The following CCDC73 variants were observed in gnomAD, a reference collection of about 807,000 sequenced individuals.
The protein encoded by CCDC73 is coiled-coil domain containing 73.
CCDC73 carries 95 observed loss-of-function variants against 116.5 expected under a neutral mutation model. The observed-to-expected ratio is 0.82, with a 90% confidence interval of 0.69 to 0.97. CCDC73 has a LOEUF of 0.97. Among genes scored for constraint, CCDC73 ranks in the 50% least tolerant of loss-of-function variants. CCDC73 has a pLI of 0.00. For missense variants in CCDC73, 1,066 were observed against 1,206.8 expected (o/e 0.88, Z 1.73); for synonymous variants, 398 against 401.3 (o/e 0.99, Z 0.10).
chr11:32,614,489 G>A lies in CCDC73; in HGVS notation c.1829C>T (p.Thr610Ile). 3 of 1,613,276 alleles carry A rather than the reference G, an allele frequency of 1.9e-6. No individual in the cohort carries two copies. The highest frequency in any genetic ancestry group is 1.1e-5 in the South Asian group (1 of 91,050). Residue 610 changes from threonine (T) to isoleucine (I), a missense_variant, in exon 16 of 18, where the codon ACT becomes ATT. Physicochemically the swap from Thr to Ile is moderately conservative, Grantham distance 89 (BLOSUM62 -1). Coordinates refer to ENST00000335185, the MANE Select transcript of CCDC73 (RefSeq NM_001008391.4). ...PFKQFRLLPG[T>I]REHALEKEIT... is the part of the protein sequence containing the mutation. ...TTCCTTCTCTAGAGCATGTTCTCGA[G>A]TCCCTGGAAGCAATCTGAATTGTTT...
At chr11:32,764,437 T>C (rs1433581225) in intron 1 of CCDC73, among the ~76,000 whole-genome samples, 1 of 152,138 alleles carries the variant, frequency 6.6e-6, no homozygotes, top group Admixed American at 6.5e-5. Context: ...CCACAAGCCA[T>C]AAGAGACTGT....
At chr11:32,651,034 C>T (rs1181189675) in intron 12 of CCDC73, among the ~76,000 whole-genome samples, 10 of 152,172 alleles carry the variant, frequency 6.6e-5, no homozygotes. Flanking sequence ...AACACAGACC[C>T]TCATAAGGTG....
chr11:32,661,939 G>GT (rs1235555274), intron 9 of CCDC73, among the ~76,000 whole-genome samples: 3 of 151,190 alleles, frequency 2.0e-5, no homozygotes, highest in South Asian at 2.1e-4. Context: ...GCAGTGTTTG[G>GT]TTTTTTGTCC....
intron 17 of CCDC73, among the ~76,000 whole-genome samples, chr11:32,609,809 T>C (rs928761757): frequency 6.6e-6 from 1 of 152,150 alleles, no homozygotes. Flanking sequence ...AGATGGAGTC[T>C]CGCTCTGTCA....
intron 17 of CCDC73, chr11:32,603,602 A>C (rs1855305767): frequency 6.6e-6 from 1 of 152,156 alleles, no homozygotes; most frequent in African/African-American, 2.4e-5. Flanking sequence ...GCAGTTTCTT[A>C]GGTCATTAAA....
At chr11:32,764,417 A>C (rs1331205936) in intron 1 of CCDC73, among the ~76,000 whole-genome samples, 1 of 152,254 alleles carries the variant, frequency 6.6e-6, no homozygotes, top group Admixed American at 6.5e-5. Flanking sequence ...CAGATCTCTC[A>C]GCAGAAACTC....
At chr11:32,786,947 C>G (rs769733434) in intron 1 of CCDC73, among the ~76,000 whole-genome samples, 3 of 152,112 alleles carry the variant, frequency 2.0e-5, no homozygotes, top group Non-Finnish European at 4.4e-5. Flanking sequence ...AAAGCTTTCT[C>G]CATTTAACCC....
intron 12 of CCDC73, among the ~76,000 whole-genome samples, chr11:32,646,320 T>A (rs1341570744): frequency 1.3e-5 from 2 of 152,212 alleles, no homozygotes; most frequent in East Asian, 3.9e-4. Context: ...GTCTCCTGTT[T>A]CCCAGATCCC....
chr11:32,803,718 T>A, the CCDC73 span, among the ~76,000 whole-genome samples: 1 of 152,238 alleles, frequency 6.6e-6, no homozygotes, highest in Non-Finnish European at 1.5e-5. Flanking sequence ...AGACTGCTAA[T>A]CATGTCTGGA....
intron 9 of CCDC73, among the ~76,000 whole-genome samples, chr11:32,666,929 G>C (rs939026979): frequency 6.6e-6 from 1 of 152,176 alleles, no homozygotes; most frequent in Non-Finnish European, 1.5e-5. Context: ...GTCCACTCCA[G>C]ACCCTGTTTG....
At chr11:32,690,644 T>C (rs1012454798) in intron 6 of CCDC73, among the ~76,000 whole-genome samples, 14 of 152,116 alleles carry the variant, frequency 9.2e-5, no homozygotes, top group Non-Finnish European at 1.8e-4. Context: ...GCAGTCTCTG[T>C]CTCCTGCTCT....
intron 9 of CCDC73, among the ~76,000 whole-genome samples, chr11:32,655,852 G>A (rs964745713): frequency 6.6e-6 from 1 of 152,172 alleles, no homozygotes; most frequent in Non-Finnish European, 1.5e-5. Context: ...GAAGTCACAT[G>A]TTCATTGAGT....
intron 17 of CCDC73, among the ~76,000 whole-genome samples, chr11:32,608,931 G>C (rs11031896): frequency 0.16 from 24,103 of 152,050 alleles, 2,044 homozygotes; most frequent in South Asian, 0.27. Flanking sequence ...AATCATGGCT[G>C]GAGTGGCTGG....
At chr11:32,704,426 C>G (rs750007322) in intron 3 of CCDC73, among the ~76,000 whole-genome samples, 1 of 152,244 alleles carries the variant, frequency 6.6e-6, no homozygotes, top group Admixed American at 6.5e-5. Context: ...ACATGCCAGA[C>G]CCTGGCTGCC....
intron 4 of CCDC73, among the ~76,000 whole-genome samples, chr11:32,702,424 T>TA (rs1397497451): frequency 2.0e-5 from 3 of 152,176 alleles, no homozygotes; most frequent in African/African-American, 7.2e-5. Flanking sequence ...TTATGGAGGC[T>TA]ACAGTGCATA....
At chr11:32,641,902 C>A in intron 13 of CCDC73, 70 bp downstream of exon 13, 2 of 1,126,148 alleles carry the variant, frequency 1.8e-6, no homozygotes, top group South Asian at 3.5e-5. Context: ...ATTTTCTTAG[C>A]ATTTATAGTT....
At chr11:32,776,317 T>C (rs1371403075) in intron 1 of CCDC73, among the ~76,000 whole-genome samples, 4 of 152,198 alleles carry the variant, frequency 2.6e-5, no homozygotes, top group Non-Finnish European at 1.5e-5. Flanking sequence ...CAGAATTATT[T>C]TGCAAAACAT....
At chr11:32,761,309 T>A (rs7942369) in intron 1 of CCDC73, among the ~76,000 whole-genome samples, 1 of 151,970 alleles carries the variant, frequency 6.6e-6, no homozygotes, top group African/African-American at 2.4e-5. Flanking sequence ...ATGGTATGAA[T>A]GTATTATTTA....
Position 32,675,930 on chromosome 11 carries a change from T to A in CCDC73, c.521A>T (p.Gln174Leu). The change falls in exon 8 of 18, where the codon CAA becomes CTA. Residue 174 changes from glutamine to leucine, a missense_variant. By Grantham distance (113) the Gln-to-Leu change is moderately radical. Coordinates refer to ENST00000335185, the MANE Select transcript of CCDC73 (RefSeq NM_001008391.4). ...IEKYYATITG[Q>L]FGLVKENHEK... is the part of the protein sequence containing the mutation. Reference sequence around the variant, plus strand: ...ATGATTCTCTTTTACCAATCCAAATTGACCTGTTATTGTGGCATAATATTT... The same window carrying A: ...ATGATTCTCTTTTACCAATCCAAATAGACCTGTTATTGTGGCATAATATTT... 6.2e-7 allele frequency: 1 copy of A among 1,609,246 alleles called. No homozygotes were observed. Among genetic ancestry groups the A allele is most frequent in the Non-Finnish European group, 8.5e-7 (1 of 1,178,220 alleles).
Sources: gnomAD v4.1 joint callset for allele counts (sites outside exome capture counted in the v4.1 genomes callset) on GRCh38, gnomAD v4.1.1 for gene constraint, MANE v1.5 for transcripts, NCBI Gene and HGNC (gene_info 2026-07-23, HGNC 2026-07-21) for gene names.